HDAC9: variants seen among roughly 807,000 people sequenced by gnomAD.
HDAC9 encodes histone deacetylase 9, also known as MEF-2 interacting transcription repressor (MITR) protein.
HDAC9 carries 41 observed loss-of-function variants against 139.4 expected under a neutral mutation model. That is an observed-to-expected ratio of 0.29 (90% CI 0.23 to 0.38). The LOEUF (loss-of-function observed/expected upper bound fraction) is 0.38. HDAC9 is among the 10% of genes least tolerant of loss of function. The pLI is 1.00. For synonymous variants in HDAC9, 517 were observed against 476.2 expected, an observed-to-expected ratio of 1.09 and a Z score of -1.12; for missense variants, 1,147 against 1,297.0, an observed-to-expected ratio of 0.88 and a Z score of 1.78.
At chr7:18,178,097 C>T (rs1789084120) in intron 2 of HDAC9, among the ~76,000 whole-genome samples, 1 of 147,850 alleles carries the variant, frequency 6.8e-6, no homozygotes, top group African/African-American at 2.5e-5. Flanking sequence ...CCTCCCCTCT[C>T]CTCTTTGACA....
At chr7:18,880,785 C>G (rs996051923) in intron 22 of HDAC9, among the ~76,000 whole-genome samples, 21 of 126,150 alleles carry the variant, frequency 1.7e-4, no homozygotes, top group Admixed American at 1.4e-3. Context: ...CATGTACCCC[C>G]AAATGTAAAA....
At chr7:18,290,278 C>T, upstream of HDAC9, 1 of 338,946 alleles carries the variant, frequency 3.0e-6, no homozygotes. Context: ...CCAAGTTATG[C>T]AGTCTTTATA....
At chr7:18,684,507 T>G (rs1782122874) in intron 12 of HDAC9, among the ~76,000 whole-genome samples, 1 of 151,778 alleles carries the variant, frequency 6.6e-6, no homozygotes, top group African/African-American at 2.4e-5. Context: ...AAAACTATAC[T>G]GAAAAGGCTT....
At chr7:18,289,357 A>G (rs747743110), upstream of HDAC9, among the ~76,000 whole-genome samples, 2 of 152,182 alleles carry the variant, frequency 1.3e-5, no homozygotes, top group South Asian at 2.1e-4. Flanking sequence ...TCTTTATTTT[A>G]TAAGCTAAGT....
At chr7:18,229,454 C>A (rs543415246) in intron 2 of HDAC9, among the ~76,000 whole-genome samples, 1 of 152,150 alleles carries the variant, frequency 6.6e-6, no homozygotes, top group Non-Finnish European at 1.5e-5. Context: ...GAACGTATTC[C>A]AGCAGCAGGC....
chr7:18,816,996 T>C (rs1794608201), intron 17 of HDAC9, among the ~76,000 whole-genome samples: 1 of 151,982 alleles, frequency 6.6e-6, no homozygotes, highest in African/African-American at 2.4e-5. Context: ...GGGAAAATTC[T>C]TATAAATAAA....
chr7:18,925,844 G>A (rs1432928881), intron 22 of HDAC9, among the ~76,000 whole-genome samples: 1 of 151,520 alleles, frequency 6.6e-6, no homozygotes, highest in Non-Finnish European at 1.5e-5. Flanking sequence ...TGTTCAAAAA[G>A]GATACTAGAT....
chr7:18,342,729 CTTATT>C (rs1214651272), intron 1 of HDAC9, among the ~76,000 whole-genome samples: 1 of 151,752 alleles, frequency 6.6e-6, no homozygotes, highest in Admixed American at 6.6e-5. Flanking sequence ...CAATAAATTA[CTTATT>C]TTATCACTAT....
intron 22 of HDAC9, among the ~76,000 whole-genome samples, chr7:18,906,032 T>G (rs1423779385): frequency 6.6e-6 from 1 of 151,596 alleles, no homozygotes; most frequent in Non-Finnish European, 1.5e-5. Flanking sequence ...GCTTTCTTTC[T>G]CTCTCTCTTT....
chr7:18,216,391 A>G (rs560246816), intron 2 of HDAC9, among the ~76,000 whole-genome samples: 5 of 152,168 alleles, frequency 3.3e-5, no homozygotes, highest in African/African-American at 9.6e-5. Flanking sequence ...TTCTTTTTCT[A>G]TCGTATTGGT....
intron 25 of HDAC9, among the ~76,000 whole-genome samples, chr7:18,976,575 A>G (rs1784566051): frequency 6.6e-6 from 1 of 152,208 alleles, no homozygotes; most frequent in African/African-American, 2.4e-5. Flanking sequence ...CTTCTTATGA[A>G]TATAGATTTC....
intron 13 of HDAC9, among the ~76,000 whole-genome samples, chr7:18,745,971 T>C (rs1008538421): frequency 6.8e-6 from 1 of 147,728 alleles, no homozygotes; most frequent in Non-Finnish European, 1.5e-5. Flanking sequence ...TGCTCACTGC[T>C]GCATTGGCGT....
At chr7:18,188,616 C>G (rs1386720043) in intron 2 of HDAC9, among the ~76,000 whole-genome samples, 1 of 152,098 alleles carries the variant, frequency 6.6e-6, no homozygotes, top group Non-Finnish European at 1.5e-5. Context: ...GGTCTAATAT[C>G]CAGAATTTAC....
intron 22 of HDAC9, among the ~76,000 whole-genome samples, chr7:18,918,434 C>A (rs60949990): frequency 0.011 from 1,694 of 152,042 alleles, 34 homozygotes; most frequent in African/African-American, 0.039. Flanking sequence ...CTGTTAATAA[C>A]AGAGTATTAT....
upstream of HDAC9, among the ~76,000 whole-genome samples, chr7:18,494,469 A>C (rs937326049): frequency 3.3e-5 from 5 of 151,820 alleles, no homozygotes; most frequent in Admixed American, 2.0e-4. Context: ...TTAGAATTAC[A>C]TTTTCCTCGC....
At position 18,395,288 on chromosome 7, in the gene HDAC9, A is replaced by C. The variant is rs1010005853; in HGVS notation, c.-41-100974A>C. 12 of 152,206 alleles carry C rather than the reference A, an allele frequency of 7.9e-5. No homozygotes were observed. In the East Asian group the frequency reaches 2.1e-3, roughly 27 times the overall value. 9.4% of individuals were successfully genotyped at this position (152,206 alleles called of 1,614,324 possible). On this transcript the variant is annotated intron_variant, in intron 1 of 3. Coordinates refer to the HDAC9 transcript ENST00000413509. ...TTTTAGCAACTTCACACATTATCTC[A>C]CTTAATACTCAACTTGACTAGGTAA...
At position 18,803,511 on chromosome 7, in the gene HDAC9, A is replaced by G. The variant is rs116013002; in HGVS notation, c.2322+10059A>G. On this transcript the variant is annotated intron_variant, in intron 17 of 25. Transcript: ENST00000686413. ...ACGGTTTCTCAGTTTTTATTTATCT[A>G]TGATGTCTTTTACCCTCATTCTTGA... Among the ~76,000 whole-genome samples the G allele has an allele frequency of 3.3e-3, 504 of 152,054 alleles. 3 individuals are homozygous for G. The highest frequency in any genetic ancestry group is 0.011 in the African/African-American group (474 of 41,490).
At chr7:18,605,815 G>T (rs1835313682) in intron 6 of HDAC9, among the ~76,000 whole-genome samples, 1 of 152,068 alleles carries the variant, frequency 6.6e-6, no homozygotes, top group African/African-American at 2.4e-5. Context: ...CGAGTAGCTG[G>T]GACTACAGGC....
At chr7:18,464,853 A>T (rs1397605151) in intron 1 of HDAC9, among the ~76,000 whole-genome samples, 1 of 152,054 alleles carries the variant, frequency 6.6e-6, no homozygotes, top group Non-Finnish European at 1.5e-5. Flanking sequence ...TCTAAGATTT[A>T]GTAGATTGTC....
Sources: allele counts gnomAD v4.1 joint callset (sites outside exome capture counted in the v4.1 genomes callset), GRCh38; gene constraint gnomAD v4.1.1; transcripts MANE v1.5; gene names NCBI Gene and HGNC (gene_info 2026-07-23, HGNC 2026-07-21).